SYNDIG1L: variants seen among roughly 807,000 people sequenced by gnomAD.
The protein encoded by SYNDIG1L is synapse differentiation-inducing gene protein 1-like.
Under a neutral mutation model 20.1 loss-of-function variants are expected in SYNDIG1L, and 13 were observed. The observed-to-expected ratio is 0.65, with a 90% CI of 0.42 to 1.03. The LOEUF (loss-of-function observed/expected upper bound fraction) is 1.03, where lower values mean the gene tolerates loss of function less well. SYNDIG1L is among the 50% of genes least tolerant of loss of function. The pLI, the probability that SYNDIG1L is intolerant of heterozygous loss-of-function variation, is 0.00. For missense variants in SYNDIG1L, 294 were observed against 305.1 expected, an observed-to-expected ratio of 0.96 and a Z score of 0.27; for synonymous variants, 128 against 129.3, an observed-to-expected ratio of 0.99 and a Z score of 0.07.
At chr14:74,438,215 T>G in the SYNDIG1L span, among the ~76,000 whole-genome samples, 1 of 152,218 alleles carries the variant, frequency 6.6e-6, no homozygotes, top group Non-Finnish European at 1.5e-5. Flanking sequence ...ATAAAGATGT[T>G]AAGTAACCTT....
the SYNDIG1L span, among the ~76,000 whole-genome samples, chr14:74,477,755 G>C: frequency 6.6e-6 from 1 of 152,122 alleles, no homozygotes; most frequent in Non-Finnish European, 1.5e-5. Flanking sequence ...TTAGAATCTG[G>C]GATTTATCTG....
chr14:74,426,922 T>C (rs981711596), upstream of SYNDIG1L, among the ~76,000 whole-genome samples: 2 of 151,960 alleles, frequency 1.3e-5, no homozygotes, highest in African/African-American at 4.8e-5. Flanking sequence ...AAGCCTCAGG[T>C]TCCTCATGGA....
intron 1 of SYNDIG1L, among the ~76,000 whole-genome samples, chr14:74,413,418 A>G (rs1446630126): frequency 1.3e-5 from 2 of 152,224 alleles, no homozygotes; most frequent in African/African-American, 2.4e-5. Flanking sequence ...AGGCCTTCAA[A>G]CAGGTTTACA....
chr14:74,447,863 A>G, the SYNDIG1L span, among the ~76,000 whole-genome samples: 4 of 152,212 alleles, frequency 2.6e-5, no homozygotes, highest in African/African-American at 9.6e-5. Context: ...CAACAATAGC[A>G]TAAAGGCCAG....
chr14:74,428,100 G>C (rs2086279757), upstream of SYNDIG1L, among the ~76,000 whole-genome samples: 2 of 152,264 alleles, frequency 1.3e-5, no homozygotes, highest in Admixed American at 1.3e-4. Context: ...GCCCTGGCCT[G>C]GTGCCAGGAG....
At chr14:74,407,775 C>A in intron 3 of SYNDIG1L, 74 bp downstream of exon 3, 1 of 1,576,212 alleles carries the variant, frequency 6.3e-7, no homozygotes, top group South Asian at 1.2e-5. Flanking sequence ...CTGACCCCAT[C>A]CTGCAGACGG....
chr14:74,478,881 CTAT>C, the SYNDIG1L span, among the ~76,000 whole-genome samples: 1 of 152,074 alleles, frequency 6.6e-6, no homozygotes, highest in Non-Finnish European at 1.5e-5. Flanking sequence ...CTTCACAGCC[CTAT>C]TATTATTAGT....
chr14:74,477,260 T>C, the SYNDIG1L span, among the ~76,000 whole-genome samples: 1 of 152,202 alleles, frequency 6.6e-6, no homozygotes, highest in African/African-American at 2.4e-5. Flanking sequence ...CCTTGGCGAC[T>C]TTCTTACACG....
At chr14:74,444,953 C>A in the SYNDIG1L span, among the ~76,000 whole-genome samples, 1 of 152,136 alleles carries the variant, frequency 6.6e-6, no homozygotes, top group Non-Finnish European at 1.5e-5. Flanking sequence ...GGCAAAAGAA[C>A]GTGTGTATAG....
chr14:74,456,675 G>A, the SYNDIG1L span, among the ~76,000 whole-genome samples: 2 of 152,174 alleles, frequency 1.3e-5, no homozygotes, highest in Non-Finnish European at 1.5e-5. Context: ...ACTGGAGCTG[G>A]GGGTGGGGGT....
Position 74,407,435 on chromosome 14 carries a change from A to G in SYNDIG1L, c.*100T>C. The G allele has an allele frequency of 1.3e-6, 2 of 1,516,788 alleles. No individual in the cohort carries two copies. Among genetic ancestry groups the G allele is most frequent in the Non-Finnish European group, 1.8e-6 (2 of 1,114,966 alleles). 94.0% of individuals were successfully genotyped at this position (1,516,788 alleles called of 1,614,324 possible). A position where few individuals can be genotyped will look rare whatever the true frequency, so the allele number is the denominator to read the frequency against. Reference sequence around the variant, plus strand: ...CCCCTCAGCAAGCCACTCTCACGGGATCATCTTCAGGGGCCGGGCCTTTCC... The same window carrying G: ...CCCCTCAGCAAGCCACTCTCACGGGGTCATCTTCAGGGGCCGGGCCTTTCC... On this transcript the variant is annotated 3_prime_UTR_variant, in exon 4 of 4. Transcript: ENST00000331628.
chr14:74,407,270 G>A lies in SYNDIG1L; in HGVS notation c.*265C>T, dbSNP rs2086090506. 1 of 550,680 alleles carries A rather than the reference G, an allele frequency of 1.8e-6. No individual in the cohort carries two copies. The highest frequency in any genetic ancestry group is 3.2e-5 in the Admixed American group (1 of 31,228). The allele number at this position is 550,680 out of a possible 1,614,324, so 34.1% of individuals were successfully genotyped here. ...GATGGAGCTAGGCCCTGCTGGGATG[G>A]CCTGGTGGGCAGCCCTGCCTTCTGT... On this transcript the variant is annotated 3_prime_UTR_variant, in exon 4 of 4. Transcript: ENST00000331628.
At chr14:74,447,942 T>C in the SYNDIG1L span, among the ~76,000 whole-genome samples, 1 of 152,216 alleles carries the variant, frequency 6.6e-6, no homozygotes, top group Admixed American at 6.6e-5. Flanking sequence ...CACTTTGAGG[T>C]AAACTGTGAT....
chr14:74,462,650 T>C, the SYNDIG1L span, among the ~76,000 whole-genome samples: 1 of 151,984 alleles, frequency 6.6e-6, no homozygotes, highest in African/African-American at 2.4e-5. Context: ...GGACTATAGG[T>C]GTGTGCCACT....
chr14:74,406,386 C>T lies in SYNDIG1L; in HGVS notation c.*1149G>A, dbSNP rs999151756. The T allele has an allele frequency of 3.5e-6, 1 of 284,018 alleles. No individual in the cohort carries two copies. The highest frequency in any genetic ancestry group is 2.2e-5 in the African/African-American group (1 of 46,062). 17.6% of individuals were successfully genotyped at this position (284,018 alleles called of 1,614,324 possible). A position where few individuals can be genotyped will look rare whatever the true frequency, so the allele number is the denominator to read the frequency against. On this transcript the variant is annotated 3_prime_UTR_variant, in exon 4 of 4. Coordinates refer to ENST00000331628, the MANE Select transcript of SYNDIG1L (RefSeq NM_001105579.2). ...GTAGTTTGGCTCCAGCCCAGATGTT[C>T]CAGGCAGAATCCAAACAGCCTGGAA...
At chr14:74,477,020 T>TC in the SYNDIG1L span, among the ~76,000 whole-genome samples, 1 of 141,648 alleles carries the variant, frequency 7.1e-6, no homozygotes. Flanking sequence ...CAACCCTGTC[T>TC]CCCCCCAGCC....
rs1595194818 is a variant in SYNDIG1L at position 74,411,906 on chromosome 14, C to A, written c.-57-2105G>T. Among the ~76,000 whole-genome samples the A allele has an allele frequency of 1.3e-5, 2 of 152,308 alleles. 1 individual carries two copies. Among genetic ancestry groups the A allele is most frequent in the South Asian group, 4.1e-4 (2 of 4,828 alleles). ...GTGGCCCAAGCGCCAGCTCCTCCCC[C>A]AGGGAGGGCACAGATGGTCCGGAGA... is the stretch of plus-strand genomic sequence containing the variant. On this transcript the variant is annotated intron_variant, in intron 1 of 3. Transcript: ENST00000331628.
At chr14:74,438,035 G>A in the SYNDIG1L span, among the ~76,000 whole-genome samples, 36 of 152,208 alleles carry the variant, frequency 2.4e-4, no homozygotes, top group African/African-American at 8.2e-4. Context: ...GAAACTCTTG[G>A]CACCAGATGT....
intron 1 of SYNDIG1L, among the ~76,000 whole-genome samples, chr14:74,413,524 CAA>C (rs763003216): frequency 6.6e-6 from 1 of 151,950 alleles, no homozygotes; most frequent in Non-Finnish European, 1.5e-5. Context: ...GCCAAAATGT[CAA>C]GAGTGATTAT....
Sources: allele counts gnomAD v4.1 joint callset (sites outside exome capture counted in the v4.1 genomes callset), GRCh38; gene constraint gnomAD v4.1.1; transcripts MANE v1.5; gene names NCBI Gene and HGNC (gene_info 2026-07-23, HGNC 2026-07-21).